PHLDB2: variants seen among roughly 807,000 people sequenced by gnomAD.
The protein encoded by PHLDB2 is pleckstrin homology like domain family B member 2, also known as pleckstrin homology-like domain family B member 2.
Under a neutral mutation model 123.6 loss-of-function variants are expected in PHLDB2, and 71 were observed. The observed-to-expected ratio is 0.57, with a 90% CI of 0.47 to 0.70. The LOEUF is 0.70. Among genes scored for constraint, PHLDB2 ranks in the 30% least tolerant of loss-of-function variants. PHLDB2 has a pLI of 0.00. For missense variants in PHLDB2, 1,446 were observed against 1,519.5 expected (o/e 0.95, Z 0.80); for synonymous variants, 547 against 541.6 (o/e 1.01, Z -0.14).
chr3:111,945,324 A>C lies in PHLDB2; in HGVS notation c.2454A>C (p.Lys818Asn), dbSNP rs1208303113. ...EKKYSSLSGG[K>N]GFPVNPNTLK... ...AATACTCCAGCCTCTCTGGGGGGAA[A>C]GGGTTTCCCGTTAACCCCAATACTT... is the stretch of plus-strand genomic sequence containing the variant. The change falls in exon 9 of 18, where the codon AAA (lysine) becomes AAC (asparagine). Residue 818 changes from lysine to asparagine, a missense_variant. By Grantham distance (94) the Lys-to-Asn change is moderately conservative. Coordinates refer to ENST00000431670, the MANE Select transcript of PHLDB2 (RefSeq NM_001134438.2). 2 of 1,610,374 alleles carry C rather than the reference A, an allele frequency of 1.2e-6. No homozygotes were observed. The highest frequency in any genetic ancestry group is 2.7e-5 in the African/African-American group (2 of 74,794).
At chr3:111,781,466 A>C (rs2060474383) in intron 1 of PHLDB2, among the ~76,000 whole-genome samples, 1 of 152,110 alleles carries the variant, frequency 6.6e-6, no homozygotes, top group Non-Finnish European at 1.5e-5. Context: ...CTACTCATGT[A>C]ATGCTCCAAT....
intron 2 of PHLDB2, among the ~76,000 whole-genome samples, chr3:111,898,090 G>T (rs1178127988): frequency 3.3e-5 from 5 of 152,046 alleles, no homozygotes; most frequent in African/African-American, 1.2e-4. Context: ...GGAGGGTTTT[G>T]TCTTGATGTT....
chr3:111,781,561 G>T (rs1487144591), intron 1 of PHLDB2, among the ~76,000 whole-genome samples: 1 of 151,990 alleles, frequency 6.6e-6, no homozygotes, highest in African/African-American at 2.4e-5. Flanking sequence ...ATTCCTCCAG[G>T]ATTCTTTGTT....
chr3:111,738,782 T>C (rs2059551767), intron 1 of PHLDB2, among the ~76,000 whole-genome samples: 1 of 152,178 alleles, frequency 6.6e-6, no homozygotes, highest in Admixed American at 6.5e-5. Flanking sequence ...ATCAAGAAAT[T>C]GATTTATAAA....
chr3:111,758,464 A>T (rs2059938934), intron 1 of PHLDB2, among the ~76,000 whole-genome samples: 1 of 152,192 alleles, frequency 6.6e-6, no homozygotes, highest in East Asian at 1.9e-4. Context: ...GGAAAAGCGC[A>T]GTATTAGGGT....
intron 5 of PHLDB2, among the ~76,000 whole-genome samples, chr3:111,928,281 T>C (rs2068920722): frequency 3.9e-5 from 6 of 152,236 alleles, no homozygotes; most frequent in Admixed American, 3.9e-4. Context: ...ATTTTAAGAA[T>C]AGTTTTTGGT....
intron 1 of PHLDB2, among the ~76,000 whole-genome samples, chr3:111,803,978 T>C (rs980843368): frequency 6.6e-6 from 1 of 151,460 alleles, no homozygotes; most frequent in Non-Finnish European, 1.5e-5. Flanking sequence ...GTTTGATTAG[T>C]CCCTTTAAAC....
At chr3:111,756,664 G>A (rs2059895746) in intron 1 of PHLDB2, among the ~76,000 whole-genome samples, 1 of 152,050 alleles carries the variant, frequency 6.6e-6, no homozygotes. Flanking sequence ...AGTTAATATT[G>A]TTATGTGTGA....
chr3:111,895,054 TGAA>T (rs1171919406), intron 2 of PHLDB2, among the ~76,000 whole-genome samples: 20 of 148,834 alleles, frequency 1.3e-4, no homozygotes, highest in South Asian at 4.2e-4. Flanking sequence ...TAACTGAGAG[TGAA>T]AAAAAAAAAA....
chr3:111,809,034 A>G (rs1323086548), intron 1 of PHLDB2, among the ~76,000 whole-genome samples: 1 of 152,224 alleles, frequency 6.6e-6, no homozygotes, highest in African/African-American at 2.4e-5. Flanking sequence ...GGCTTAATCT[A>G]TACTTTCCAG....
intron 6 of PHLDB2, 53 bp from the exon 7 acceptor site, chr3:111,939,422 A>G: frequency 6.5e-7 from 1 of 1,537,148 alleles, no homozygotes. Flanking sequence ...CTTCACATTA[A>G]GAAGGTGGTA....
chr3:111,934,069 G>A (rs1474326238), intron 6 of PHLDB2, among the ~76,000 whole-genome samples: 3 of 152,188 alleles, frequency 2.0e-5, no homozygotes, highest in Non-Finnish European at 4.4e-5. Context: ...TACAAAAGAG[G>A]AAAGGAAATG....
chr3:111,913,223 G>T, intron 2 of PHLDB2, 96 bp from the exon 3 acceptor site: 1 of 1,328,688 alleles, frequency 7.5e-7, no homozygotes, highest in Non-Finnish European at 1.0e-6. Flanking sequence ...TGTATGGAAT[G>T]CAAGCACCAG....
At position 111,780,276 on chromosome 3, in the gene PHLDB2, AG is replaced by A. The variant is rs1306758532; in HGVS notation, c.-49+47574del. On this transcript the variant is annotated intron_variant, in intron 1 of 17. Transcript: ENST00000393923. ...GATTTAAAAGAAGAAGAAGAAAAGA[AG>A]AAGAAGAAGAAGAAGAAGAGGAAGA... 1.6e-3 allele frequency among the ~76,000 whole-genome samples: 5 copies of A among 3,036 alleles called. 1 individual carries two copies. The highest frequency in any genetic ancestry group is 2.3e-3 in the African/African-American group (4 of 1,770). 2.0% of individuals were successfully genotyped at this position (3,036 alleles called of 152,430 possible).
chr3:111,843,764 C>T (rs1286977210), intron 1 of PHLDB2, among the ~76,000 whole-genome samples: 1 of 152,168 alleles, frequency 6.6e-6, no homozygotes, highest in Admixed American at 6.5e-5. Context: ...AATTTACAAA[C>T]ATTTTCTCCT....
At chr3:111,888,485 G>GAA (rs968688279) in intron 2 of PHLDB2, among the ~76,000 whole-genome samples, 1 of 152,128 alleles carries the variant, frequency 6.6e-6, no homozygotes, top group African/African-American at 2.4e-5. Context: ...GGCTATTTAA[G>GAA]AAAATGGCAA....
chr3:111,971,935 T>C (rs374421071), intron 16 of PHLDB2, among the ~76,000 whole-genome samples: 72 of 152,322 alleles, frequency 4.7e-4, no homozygotes, highest in African/African-American at 1.6e-3. Flanking sequence ...TGTCTGCAAA[T>C]TGATGGCATA....
chr3:111,876,206 A>G (rs78659738), intron 1 of PHLDB2, among the ~76,000 whole-genome samples: 18,011 of 152,120 alleles, frequency 0.12, 1,184 homozygotes, highest in East Asian at 0.16. Context: ...GGATTTATTG[A>G]TGGATAAAAT....
intron 1 of PHLDB2, among the ~76,000 whole-genome samples, chr3:111,819,066 C>T (rs926835047): frequency 6.6e-6 from 1 of 152,148 alleles, no homozygotes; most frequent in African/African-American, 2.4e-5. Context: ...CTCTTCCTGG[C>T]TTGTAGATGG....
Sources: gnomAD v4.1 joint callset for allele counts (sites outside exome capture counted in the v4.1 genomes callset) on GRCh38, gnomAD v4.1.1 for gene constraint, MANE v1.5 for transcripts, NCBI Gene and HGNC (gene_info 2026-07-23, HGNC 2026-07-21) for gene names.